Variants in COL6A1 observed in about 807,000 individuals in gnomAD.
COL6A1 encodes collagen alpha-1(VI) chain.
A neutral mutation model predicts 145.6 loss-of-function variants in COL6A1; 80 were observed. That is an observed-to-expected ratio of 0.55 (90% CI 0.46 to 0.66). The LOEUF (loss-of-function observed/expected upper bound fraction) is 0.66, where lower values mean the gene tolerates loss of function less well. Among genes scored for constraint, COL6A1 ranks in the 30% least tolerant of loss-of-function variants. The pLI, the probability that COL6A1 is intolerant of heterozygous loss-of-function variation, is 0.00. For synonymous variants in COL6A1, 638 were observed against 622.8 expected, an observed-to-expected ratio of 1.02 and a Z score of -0.36; for missense variants, 1,364 against 1,473.8, an observed-to-expected ratio of 0.93 and a Z score of 1.22.
At position 46,003,645 on chromosome 21, in the gene COL6A1, A is replaced by G. The variant is rs1448329379; in HGVS notation, c.2719A>G (p.Met907Val). 1.9e-6 allele frequency: 3 copies of G among 1,613,026 alleles called. No individual in the cohort carries two copies. Among genetic ancestry groups the G allele is most frequent in the Non-Finnish European group, 2.5e-6 (3 of 1,179,928 alleles). ...GGCCCTGGCCAGTGCCGTCGATGCC[A>G]TGGACTTTATCAACGACGCCACCGA... ...YTALASAVDA[M>V]DFINDATDVN... The change falls in exon 35 of 35, where the codon ATG (methionine) becomes GTG (valine). Residue 907 changes from methionine to valine, a missense_variant. Physicochemically the swap from Met to Val is conservative, Grantham distance 21. This residue lies in a region of COL6A1 where 938 missense variants were observed against 1,003.8 expected (regional missense o/e 0.93). Coordinates refer to ENST00000361866, the MANE Select transcript of COL6A1 (RefSeq NM_001848.3).
At chr21:45,984,496 C>A (rs747656562) in intron 3 of COL6A1, 27 bp downstream of exon 3, 1 of 1,601,764 alleles carries the variant, frequency 6.2e-7, no homozygotes, top group Non-Finnish European at 8.5e-7. Context: ...CTCCTGCCCA[C>A]GCCAGTTCTC....
intron 22 of COL6A1, 99 bp downstream of exon 22, chr21:45,997,861 C>A: frequency 7.2e-7 from 1 of 1,380,734 alleles, no homozygotes; most frequent in South Asian, 1.3e-5. Flanking sequence ...GGGTCCCTGA[C>A]CGGGCCGGGA....
chr21:45,997,783 G>A (rs1165468988), intron 22 of COL6A1, 21 bp downstream of exon 22: 8 of 1,568,594 alleles, frequency 5.1e-6, no homozygotes, highest in Non-Finnish European at 5.2e-6. Flanking sequence ...AACAGCTCGG[G>A]CCCTAGGGCG....
intron 3 of COL6A1, among the ~76,000 whole-genome samples, chr21:45,985,003 C>T (rs948106285): frequency 4.0e-5 from 6 of 148,618 alleles, no homozygotes; most frequent in Non-Finnish European, 7.4e-5. Context: ...GAGACAGAGA[C>T]AGATAGAAAA....
chr21:45,996,525 C>A (rs529551166), intron 20 of COL6A1, among the ~76,000 whole-genome samples: 12 of 152,300 alleles, frequency 7.9e-5, no homozygotes, highest in East Asian at 5.8e-4. Flanking sequence ...TTTGAACCAC[C>A]GGACAGGCCT....
At chr21:46,000,005 ACCCGTG>A (rs2077833113) in intron 27 of COL6A1, among the ~76,000 whole-genome samples, 3 of 3,922 alleles carry the variant, frequency 7.6e-4, no homozygotes, top group East Asian at 0.012. Flanking sequence ...ATCATGGGGG[ACCCGTG>A]AGGATCATGG....
chr21:45,989,032 C>G (rs2077758868), intron 8 of COL6A1, 52 bp from the exon 9 acceptor site: 1 of 1,595,992 alleles, frequency 6.3e-7, no homozygotes, highest in African/African-American at 1.3e-5. Context: ...CGTGAGCCAG[C>G]TTTTTAGAAA....
At chr21:45,999,112 G>A (rs763580503) in intron 25 of COL6A1, 41 bp from the exon 26 acceptor site, 2 of 1,561,572 alleles carry the variant, frequency 1.3e-6, no homozygotes, top group South Asian at 2.4e-5. Flanking sequence ...CAGATGCCCG[G>A]GTGGTGCACG....
chr21:45,997,832 C>A, intron 22 of COL6A1, 70 bp downstream of exon 22: 1 of 1,497,022 alleles, frequency 6.7e-7, no homozygotes, highest in South Asian at 1.2e-5. Flanking sequence ...GCCCCAGCCC[C>A]GCACTGTGGA....
At position 45,982,653 on chromosome 21, in the gene COL6A1, C is replaced by A. The variant is rs767395722; in HGVS notation, c.117C>A (p.Phe39Leu). ...GGCCAGACTGCCCCGTGGACCTGTTCTTTGTGCTGGACACCTCTGAGAGCG... is the reference window on the plus strand; with the variant it reads ...GGCCAGACTGCCCCGTGGACCTGTTATTTGTGCTGGACACCTCTGAGAGCG... Reference protein sequence around the residue: ...VAFQDCPVDLFFVLDTSESVA... With the variant: ...VAFQDCPVDLLFVLDTSESVA... Residue 39 changes from phenylalanine (F) to leucine (L), a missense_variant, in exon 2 of 35, where the codon TTC becomes TTA. By Grantham distance (22) the Phe-to-Leu change is conservative. Coordinates refer to ENST00000361866, the MANE Select transcript of COL6A1 (RefSeq NM_001848.3). The A allele has an allele frequency of 9.9e-6, 16 of 1,612,776 alleles. No individual in the cohort carries two copies. The highest frequency in any genetic ancestry group is 1.4e-5 in the Non-Finnish European group (16 of 1,179,968).
At position 46,002,414 on chromosome 21, in the gene COL6A1, C is replaced by A. The variant is rs758124803; in HGVS notation, c.2250+13C>A. 1 of 1,608,290 alleles carries A rather than the reference C, an allele frequency of 6.2e-7. No homozygotes were observed. Among genetic ancestry groups the A allele is most frequent in the African/African-American group, 1.3e-5 (1 of 74,876 alleles). On this transcript the variant is annotated intron_variant, in intron 32 of 34. Coordinates refer to ENST00000361866, the MANE Select transcript of COL6A1 (RefSeq NM_001848.3). The stretch of plus-strand genomic sequence containing the variant: ...CCCCGGCATCCAGGTGGGGTGGCCA[C>A]CCCCAGGCTGCACCTGCCCCGCCTA...
Position 45,990,126 on chromosome 21 carries a change from A to G in COL6A1, c.931-132A>G, listed in dbSNP as rs1047677472. 1.4e-5 allele frequency: 17 copies of G among 1,183,802 alleles called. No individual in the cohort carries two copies. The African/African-American group carries it at 2.6e-4, about 18-fold the overall frequency. The allele number at this position is 1,183,802 out of a possible 1,614,324, so 73.3% of individuals were successfully genotyped here. On this transcript the variant is annotated intron_variant, in intron 11 of 34. Transcript: ENST00000361866. The stretch of plus-strand genomic sequence containing the variant: ...CCCCTCCCCATCACTGTCAGTCCCC[A>G]TGATTCTCAGCAGTGATGTTGTCCC...
At chr21:45,987,841 G>C (rs1406663814) in intron 8 of COL6A1, among the ~76,000 whole-genome samples, 187 bp downstream of exon 8, 1 of 11,480 alleles carries the variant, frequency 8.7e-5, no homozygotes, top group Non-Finnish European at 1.5e-4. Context: ...GGATGGCGGG[G>C]TCCAGATGGA....
At chr21:45,990,518 G>C in intron 13 of COL6A1, 96 bp downstream of exon 13, 1 of 1,355,278 alleles carries the variant, frequency 7.4e-7, no homozygotes. Context: ...GACCCGGGGA[G>C]GGATGGGGTG....
At chr21:45,984,771 A>AACAGAG (rs370714708) in intron 3 of COL6A1, among the ~76,000 whole-genome samples, 31 of 149,574 alleles carry the variant, frequency 2.1e-4, no homozygotes, top group Non-Finnish European at 4.2e-4. Context: ...GACAGAGACA[A>AACAGAG]ACAGAGACAG....
intron 6 of COL6A1, 106 bp from the exon 7 acceptor site, chr21:45,987,393 A>G: frequency 1.3e-6 from 2 of 1,543,870 alleles, no homozygotes; most frequent in Non-Finnish European, 1.8e-6. Flanking sequence ...CTGTGCGTCC[A>G]TCCGTGTGTC....
At chr21:45,990,666 T>G in intron 13 of COL6A1, 107 bp from the exon 14 acceptor site, 1 of 1,037,752 alleles carries the variant, frequency 9.6e-7, no homozygotes, top group South Asian at 1.3e-5. Context: ...TAGGCAGGGC[T>G]TTCCAGGGAG....
chr21:46,002,572 T>G lies in COL6A1; in HGVS notation c.2296T>G (p.Ser766Ala), dbSNP rs2077853382. ...IKDVFDFIPG[S>A]DQLNVISCQG... is the part of the protein sequence containing the mutation. ...AGACGTGTTTGACTTCATCCCAGGC[T>G]CAGACCAGCTCAATGTCATTTCTTG... The change falls in exon 33 of 35, where the codon TCA becomes GCA. Residue 766 changes from serine to alanine, a missense_variant. Transcript: ENST00000361866. 1.9e-6 allele frequency: 3 copies of G among 1,614,010 alleles called. No individual in the cohort carries two copies. The South Asian group carries it at 3.3e-5, about 18-fold the overall frequency.
rs1263618253 is a variant in COL6A1 at position 45,994,022 on chromosome 21, G to A, written c.1336-145G>A. ...CACGTGGGCCGAGGAAACGCTTGGC[G>A]AGGCCAGGAAGGGGCTGTGCGGGGA... On this transcript the variant is annotated intron_variant, in intron 19 of 34. Transcript: ENST00000361866. The surrounding 1 kb of genome is among the most constrained non-coding windows in gnomAD (Gnocchi z 6.8). The A allele has an allele frequency of 1.2e-5, 10 of 840,772 alleles. No homozygotes were observed. Among genetic ancestry groups the A allele is most frequent in the Non-Finnish European group, 1.4e-5 (7 of 503,990 alleles). 52.1% of individuals were successfully genotyped at this position (840,772 alleles called of 1,614,324 possible).
Sources: gnomAD v4.1 joint callset for allele counts (sites outside exome capture counted in the v4.1 genomes callset) on GRCh38, gnomAD v4.1.1 for gene constraint, gnomAD v4.1.1 regional missense constraint, Gnocchi (gnomAD v3.1) non-coding constraint, MANE v1.5 for transcripts, NCBI Gene and HGNC (gene_info 2026-07-23, HGNC 2026-07-21) for gene names.